The following GOLPH3 variants were observed in gnomAD, a reference collection of about 807,000 sequenced individuals.
GOLPH3 encodes coat protein GPP34.
In GOLPH3, 14 loss-of-function variants were observed where a neutral mutation model predicts 28.5. The observed-to-expected ratio is 0.49, with a 90% CI of 0.32 to 0.77. The LOEUF (loss-of-function observed/expected upper bound fraction) is 0.77, where lower values mean the gene tolerates loss of function less well. GOLPH3 is among the 30% of genes least tolerant of loss of function. GOLPH3 has a pLI of 0.03. For missense variants in GOLPH3, 350 were observed against 393.7 expected (o/e 0.89, Z 0.94); for synonymous variants, 158 against 159.2 (o/e 0.99, Z 0.06).
In GOLPH3 at chr5:32,125,905, AT is replaced by A; in HGVS notation, c.*306del. 3.6e-6 allele frequency: 1 copy of A among 280,166 alleles called. No homozygotes were observed. The highest frequency in any genetic ancestry group is 7.0e-5 in the South Asian group (1 of 14,310). The allele number at this position is 280,166 out of a possible 1,614,324, so 17.4% of individuals were successfully genotyped here. A position where few individuals can be genotyped will look rare whatever the true frequency, so the allele number is the denominator to read the frequency against. Reference sequence around the variant, plus strand: ...CTGAGGTCATCCAAAAGCTGTGCGTATGAGGAGGCTGGAGGTACTTTGAAAG... The same window carrying A: ...CTGAGGTCATCCAAAAGCTGTGCGTAGAGGAGGCTGGAGGTACTTTGAAAG... On this transcript the variant is annotated 3_prime_UTR_variant, in exon 4 of 4. Coordinates refer to ENST00000265070, the MANE Select transcript of GOLPH3 (RefSeq NM_022130.4).
chr5:32,164,351 T>C (rs900361019), intron 1 of GOLPH3, among the ~76,000 whole-genome samples: 2 of 152,216 alleles, frequency 1.3e-5, no homozygotes, highest in Non-Finnish European at 2.9e-5. Flanking sequence ...TACATATTTG[T>C]TTGTACACTG....
At chr5:32,165,474 TC>T (rs1746690950) in intron 1 of GOLPH3, among the ~76,000 whole-genome samples, 1 of 151,836 alleles carries the variant, frequency 6.6e-6, no homozygotes, top group Admixed American at 6.6e-5. Flanking sequence ...TCCCAGCTAC[TC>T]AGAAGGTTGA....
At chr5:32,162,030 AAAG>A (rs1246012682) in intron 1 of GOLPH3, among the ~76,000 whole-genome samples, 1 of 151,094 alleles carries the variant, frequency 6.6e-6, no homozygotes, top group African/African-American at 2.5e-5. Context: ...CCGTCTCAAA[AAAG>A]AAAAATAAAT....
At position 32,174,154 on chromosome 5, in the gene GOLPH3, G is replaced by A; in HGVS notation, c.-120C>T. ...TGTTAAATCCGGACGCCGGGGCGAC[G>A]TCCGTCGGCAGCAGGGCCGGGGGCA... On this transcript the variant is annotated 5_prime_UTR_variant, in exon 1 of 4. The change creates a new upstream start codon in the 5' untranslated region. Coordinates refer to ENST00000265070, the MANE Select transcript of GOLPH3 (RefSeq NM_022130.4). The A allele has an allele frequency of 8.2e-6, 5 of 607,826 alleles. No individual in the cohort carries two copies. Among genetic ancestry groups the A allele is most frequent in the Non-Finnish European group, 1.2e-5 (5 of 421,324 alleles). The allele number at this position is 607,826 out of a possible 1,614,324, so 37.7% of individuals were successfully genotyped here.
chr5:32,133,929 G>A (rs561065943), intron 3 of GOLPH3, among the ~76,000 whole-genome samples: 226 of 152,318 alleles, frequency 1.5e-3, no homozygotes, highest in African/African-American at 5.3e-3. Flanking sequence ...AGAGGTAGAA[G>A]AGGGTTATCC....
At chr5:32,155,453 G>A (rs1746398502) in intron 1 of GOLPH3, among the ~76,000 whole-genome samples, 1 of 152,138 alleles carries the variant, frequency 6.6e-6, no homozygotes. Context: ...CCTCCAAAGT[G>A]CTAGGATTAC....
chr5:32,157,867 C>T (rs555384545), intron 1 of GOLPH3, among the ~76,000 whole-genome samples: 1 of 151,876 alleles, frequency 6.6e-6, no homozygotes, highest in Admixed American at 6.6e-5. Context: ...ATCCCAGCTA[C>T]TTGGGAGGCT....
intron 1 of GOLPH3, among the ~76,000 whole-genome samples, chr5:32,161,726 G>C (rs912466259): frequency 6.6e-6 from 1 of 151,452 alleles, no homozygotes; most frequent in Non-Finnish European, 1.5e-5. Flanking sequence ...CTCTGGGCTT[G>C]ACCTAAAAAT....
intron 3 of GOLPH3, among the ~76,000 whole-genome samples, chr5:32,129,690 C>T (rs773130117): frequency 6.6e-6 from 1 of 152,122 alleles, no homozygotes; most frequent in Non-Finnish European, 1.5e-5. Flanking sequence ...AAAGAATCTT[C>T]AAGCTAAATC....
chr5:32,156,824 C>A (rs1158704118), intron 1 of GOLPH3, among the ~76,000 whole-genome samples: 3 of 152,216 alleles, frequency 2.0e-5, no homozygotes, highest in Non-Finnish European at 1.5e-5. Context: ...CGCCCCTCAC[C>A]TCCTGCTGTG....
At chr5:32,166,943 A>G (rs1388448776) in intron 1 of GOLPH3, among the ~76,000 whole-genome samples, 2 of 151,702 alleles carry the variant, frequency 1.3e-5, no homozygotes, top group African/African-American at 2.4e-5. Flanking sequence ...GATTAATGGC[A>G]GTAGAAAAGT....
At chr5:32,156,881 G>A (rs974270468) in intron 1 of GOLPH3, among the ~76,000 whole-genome samples, 6 of 152,122 alleles carry the variant, frequency 3.9e-5, no homozygotes, top group African/African-American at 7.2e-5. Context: ...TCCATAGCCC[G>A]GAGATTAGAG....
chr5:32,143,768 T>C lies in GOLPH3; in HGVS notation c.338A>G (p.Lys113Arg). 2 of 1,608,764 alleles carry C rather than the reference T, an allele frequency of 1.2e-6. No homozygotes were observed. Among genetic ancestry groups the C allele is most frequent in the South Asian group, 1.1e-5 (1 of 89,718 alleles). The change falls in exon 2 of 4, where the codon AAA (lysine) becomes AGA (arginine). Residue 113 changes from lysine (K) to arginine (R), a missense_variant. By Grantham distance (26) the Lys-to-Arg change is conservative (BLOSUM62 2). Transcript: ENST00000265070. ...LQLEACGMRR[K>R]SLLTRKVICK... ...TCTTACCTTTCTTGTTAATAGACTT[T>C]TACGTCTCATTCCACAAGCCTCTAG...
chr5:32,142,506 C>T (rs1746093385), intron 2 of GOLPH3, among the ~76,000 whole-genome samples: 1 of 149,574 alleles, frequency 6.7e-6, no homozygotes, highest in Non-Finnish European at 1.5e-5. Context: ...CCAGCCGCCC[C>T]GTCCGGGAGG....
At chr5:32,152,507 G>A (rs962494927) in intron 1 of GOLPH3, among the ~76,000 whole-genome samples, 1 of 148,772 alleles carries the variant, frequency 6.7e-6, no homozygotes, top group Non-Finnish European at 1.5e-5. Context: ...GCTTGGCCGG[G>A]TGCAGTGGCT....
At chr5:32,142,535 G>A (rs1307552156) in intron 2 of GOLPH3, among the ~76,000 whole-genome samples, 68 of 138,870 alleles carry the variant, frequency 4.9e-4, no homozygotes, top group African/African-American at 1.7e-3. Context: ...GCCTCTGCCC[G>A]GCCGCCCCTA....
intron 3 of GOLPH3, among the ~76,000 whole-genome samples, chr5:32,128,914 C>A (rs545803819): frequency 6.6e-6 from 1 of 152,064 alleles, no homozygotes; most frequent in Non-Finnish European, 1.5e-5. Context: ...ATGGTGAAAT[C>A]CCGTCTCTAC....
chr5:32,144,988 TAGG>T (rs1182260252), intron 1 of GOLPH3, among the ~76,000 whole-genome samples: 3 of 152,304 alleles, frequency 2.0e-5, no homozygotes, highest in African/African-American at 7.2e-5. Context: ...ACAATTTTGG[TAGG>T]AGAACAGGCC....
intron 1 of GOLPH3, among the ~76,000 whole-genome samples, chr5:32,163,887 TTTG>T (rs1746648930): frequency 6.6e-6 from 1 of 152,212 alleles, no homozygotes; most frequent in Non-Finnish European, 1.5e-5. Context: ...CTGAGGTTAT[TTTG>T]TTAATACGGT....
Sources: gnomAD v4.1 joint callset for allele counts (sites outside exome capture counted in the v4.1 genomes callset) on GRCh38, gnomAD v4.1.1 for gene constraint, MANE v1.5 for transcripts, NCBI Gene and HGNC (gene_info 2026-07-23, HGNC 2026-07-21) for gene names.